KDM2B: variants seen among roughly 807,000 people sequenced by gnomAD.
KDM2B encodes the protein lysine demethylase 2B.
A neutral mutation model predicts 150.0 loss-of-function variants in KDM2B; 26 were observed. That is an observed-to-expected ratio of 0.17 (90% CI 0.13 to 0.24). KDM2B has a LOEUF of 0.24. KDM2B is among the 10% of genes least tolerant of loss of function. KDM2B has a pLI of 1.00. For missense variants in KDM2B, 1,265 were observed against 1,816.9 expected, an observed-to-expected ratio of 0.70 and a Z score of 5.52; for synonymous variants, 734 against 729.5, an observed-to-expected ratio of 1.01 and a Z score of -0.10.
intron 4 of KDM2B, among the ~76,000 whole-genome samples, chr12:121,564,510 G>C (rs1302361394): frequency 6.6e-6 from 1 of 152,016 alleles, no homozygotes; most frequent in East Asian, 1.9e-4. Context: ...AGATTGGAAA[G>C]AAGAAACAAA....
chr12:121,516,800 C>T (rs1886241040), intron 9 of KDM2B: 9 of 667,000 alleles, frequency 1.3e-5, no homozygotes, highest in South Asian at 1.3e-4. Context: ...ACTCCCAGGT[C>T]TCAAGGACTT....
intron 12 of KDM2B, among the ~76,000 whole-genome samples, chr12:121,458,222 A>G (rs1878559013): frequency 6.6e-6 from 1 of 151,934 alleles, no homozygotes; most frequent in Non-Finnish European, 1.5e-5. Flanking sequence ...AAAAAAATAA[A>G]AAGACTAGCT....
the KDM2B span, among the ~76,000 whole-genome samples, chr12:121,412,230 CTTTTTTTTTT>C: frequency 6.0e-5 from 3 of 49,610 alleles, no homozygotes; most frequent in Non-Finnish European, 1.1e-4. Context: ...CCCAACTAAT[CTTTTTTTTTT>C]TTTTTTTTTT....
intron 22 of KDM2B, among the ~76,000 whole-genome samples, chr12:121,434,311 G>A (rs1229037028): frequency 2.0e-5 from 3 of 151,836 alleles, no homozygotes; most frequent in African/African-American, 7.3e-5. Context: ...CGAGGTGGGC[G>A]GATCACCTGA....
At chr12:121,525,124 G>A (rs1887018727) in intron 8 of KDM2B, among the ~76,000 whole-genome samples, 1 of 152,198 alleles carries the variant, frequency 6.6e-6, no homozygotes, top group African/African-American at 2.4e-5. Flanking sequence ...CCTGCGCCGG[G>A]CCAGGATCAG....
At position 121,555,275 on chromosome 12, in the gene KDM2B, T is replaced by C. The variant is rs567871733; in HGVS notation, c.398-5637A>G. ...TAATCATATCATTTAGTTATGAGGATATAGTAATTTACAAAATTATACCTT... is the reference window on the plus strand; with the variant it reads ...TAATCATATCATTTAGTTATGAGGACATAGTAATTTACAAAATTATACCTT... On this transcript the variant is annotated intron_variant, in intron 4 of 22. Transcript: ENST00000377071. Among the ~76,000 whole-genome samples the C allele has an allele frequency of 2.8e-4, 43 of 152,384 alleles. No individual in the cohort carries two copies. The South Asian group carries it at 8.7e-3, about 31-fold the overall frequency.
upstream of KDM2B, among the ~76,000 whole-genome samples, chr12:121,582,024 T>G (rs1457866117): frequency 6.6e-6 from 1 of 152,220 alleles, no homozygotes; most frequent in Non-Finnish European, 1.5e-5. Flanking sequence ...CATCAAAATT[T>G]GTTTCCAAAC....
At chr12:121,476,818 C>G (rs1881438371) in intron 12 of KDM2B, among the ~76,000 whole-genome samples, 1 of 152,106 alleles carries the variant, frequency 6.6e-6, no homozygotes, top group Non-Finnish European at 1.5e-5. Flanking sequence ...TTCATAGATC[C>G]ATCAAGACAC....
chr12:121,467,792 GC>G lies in KDM2B; in HGVS notation c.1735-14449del, dbSNP rs1880279391. On this transcript the variant is annotated intron_variant, in intron 12 of 22. Transcript: ENST00000377071. This position sits in a 1 kb window ranked among gnomAD's most constrained non-coding sequence, Gnocchi z 5.1. ...GACGACTCTGCACCCGACGCCAGGA[GC>G]GGGTCCCCAGGTCCCTTGCAGCAGG... 2 of 152,266 alleles carry G rather than the reference GC, an allele frequency of 1.3e-5. No individual in the cohort carries two copies. Among genetic ancestry groups the G allele is most frequent in the South Asian group, 4.1e-4 (2 of 4,838 alleles). The allele number at this position is 152,266 out of a possible 1,614,324, so 9.4% of individuals were successfully genotyped here. A position where few individuals can be genotyped will look rare whatever the true frequency, so the allele number is the denominator to read the frequency against.
the KDM2B span, chr12:121,418,039 C>A: frequency 1.0e-6 from 1 of 991,684 alleles, no homozygotes; most frequent in Non-Finnish European, 1.5e-6. Context: ...GCTTCCACAC[C>A]CAGCTGAACT....
chr12:121,456,170 G>C (rs1878203188), intron 12 of KDM2B, among the ~76,000 whole-genome samples: 1 of 152,194 alleles, frequency 6.6e-6, no homozygotes, highest in Non-Finnish European at 1.5e-5. Context: ...GCTGTGCACT[G>C]AACACACTAA....
chr12:121,413,415 C>CTTTTTTTTTTTTT, the KDM2B span, among the ~76,000 whole-genome samples: 65 of 130,666 alleles, frequency 5.0e-4, 1 homozygote, highest in African/African-American at 1.7e-3. Flanking sequence ...TTTACCTGTC[C>CTTTTTTTTTTTTT]TTTTTTTTTT....
Position 121,441,243 on chromosome 12 carries a change from G to A in KDM2B, c.3285-10C>T, listed in dbSNP as rs782070921. Reference sequence around the variant, plus strand: ...CCGCTTATCGCAGCACCTGGGGACCGGCCCCGTGGGGACACATCGTCAGAG... The same window carrying A: ...CCGCTTATCGCAGCACCTGGGGACCAGCCCCGTGGGGACACATCGTCAGAG... On this transcript the variant is annotated splice_polypyrimidine_tract_variant and intron_variant, in intron 19 of 22. Transcript: ENST00000377071. 1.6e-5 allele frequency: 26 copies of A among 1,612,304 alleles called. No individual in the cohort carries two copies. The highest frequency in any genetic ancestry group is 6.6e-5 in the South Asian group (6 of 90,972).
chr12:121,427,440 G>C (rs55999842), downstream of KDM2B, among the ~76,000 whole-genome samples: 13,397 of 152,240 alleles, frequency 0.088, 714 homozygotes, highest in South Asian at 0.23. Context: ...TACTGGGGAG[G>C]CTGAGGCAGG....
intron 6 of KDM2B, among the ~76,000 whole-genome samples, chr12:121,546,986 C>T (rs569674987): frequency 1.4e-3 from 219 of 152,144 alleles, no homozygotes; most frequent in African/African-American, 4.8e-3. Context: ...TGTGACCCAC[C>T]GCACCTGGCC....
intron 2 of KDM2B, among the ~76,000 whole-genome samples, chr12:121,577,571 G>A (rs887839846): frequency 5.9e-5 from 9 of 152,174 alleles, no homozygotes; most frequent in African/African-American, 2.2e-4. Flanking sequence ...AAACTGCAAA[G>A]CTGGGAGTCT....
chr12:121,499,076 A>C (rs1884259360), intron 11 of KDM2B, among the ~76,000 whole-genome samples: 1 of 150,526 alleles, frequency 6.6e-6, no homozygotes, highest in Non-Finnish European at 1.5e-5. Context: ...AAGTGCTGGG[A>C]TTACAGGTGT....
At chr12:121,463,366 A>G (rs1879382270) in intron 12 of KDM2B, among the ~76,000 whole-genome samples, 1 of 152,132 alleles carries the variant, frequency 6.6e-6, no homozygotes, top group African/African-American at 2.4e-5. Flanking sequence ...GGGGCTTAAA[A>G]CCTAGATGAT....
Position 121,485,482 on chromosome 12 carries a change from G to A in KDM2B, c.1734+9097C>T, listed in dbSNP as rs1050743965. ...AATATATCTGGGATCCAACCTCTTC[G>A]TTGCCACAGTCACTACGCTAAACTG... On this transcript the variant is annotated intron_variant, in intron 12 of 22. Transcript: ENST00000377071. Among the ~76,000 whole-genome samples the A allele has an allele frequency of 3.3e-5, 5 of 152,036 alleles. No homozygotes were observed. In the East Asian group the frequency reaches 7.7e-4, roughly 24 times the overall value.
Sources: gnomAD v4.1 joint callset for allele counts (sites outside exome capture counted in the v4.1 genomes callset) on GRCh38, gnomAD v4.1.1 for gene constraint, Gnocchi (gnomAD v3.1) non-coding constraint, MANE v1.5 for transcripts, NCBI Gene and HGNC (gene_info 2026-07-23, HGNC 2026-07-21) for gene names.